TRANK1: variants seen among roughly 807,000 people sequenced by gnomAD.
TRANK1 encodes the protein TPR and ankyrin repeat-containing protein 1.
A neutral mutation model predicts 266.0 loss-of-function variants in TRANK1; 198 were observed. The ratio of observed to expected loss-of-function variants is 0.74; its 90% CI spans 0.66 to 0.84. The LOEUF is 0.84. Among genes scored for constraint, TRANK1 ranks in the 40% least tolerant of loss-of-function variants. TRANK1 has a pLI of 0.00. For missense variants in TRANK1, 3,326 were observed against 3,634.6 expected, an observed-to-expected ratio of 0.92 and a Z score of 2.18; for synonymous variants, 1,396 against 1,384.1, an observed-to-expected ratio of 1.01 and a Z score of -0.19.
At position 36,944,998 on chromosome 3, in the gene TRANK1, G is replaced by A; in HGVS notation, c.-189C>T. 2 of 501,118 alleles carry A rather than the reference G, an allele frequency of 4.0e-6. No homozygotes were observed. Among genetic ancestry groups the A allele is most frequent in the Non-Finnish European group, 3.4e-6 (1 of 296,036 alleles). 31.0% of individuals were successfully genotyped at this position (501,118 alleles called of 1,614,324 possible). ...TCGGCTACCCAGCCGCGATCAGAGG[G>A]GGCGGGGGACGCAGGAACCCCGGCG... is the stretch of plus-strand genomic sequence containing the variant. On this transcript the variant is annotated 5_prime_UTR_variant, in exon 1 of 24. Transcript: ENST00000645898.
chr3:36,863,228 C>T (rs544126687), intron 10 of TRANK1, among the ~76,000 whole-genome samples: 307 of 152,324 alleles, frequency 2.0e-3, no homozygotes, highest in African/African-American at 7.2e-3. Flanking sequence ...GGCACAGGAA[C>T]ACAGGCCATA....
chr3:36,903,697 G>T (rs536457151), intron 2 of TRANK1, among the ~76,000 whole-genome samples: 2 of 152,294 alleles, frequency 1.3e-5, no homozygotes, highest in South Asian at 4.1e-4. Flanking sequence ...CAAGAACTCT[G>T]GGTGAGTACG....
intron 17 of TRANK1, among the ~76,000 whole-genome samples, chr3:36,844,386 C>T (rs971143765): frequency 6.6e-6 from 1 of 152,084 alleles, no homozygotes; most frequent in Non-Finnish European, 1.5e-5. Context: ...ACCACCACAC[C>T]GGGCTAATTT....
At position 36,852,284 on chromosome 3, in the gene TRANK1, A is replaced by G; in HGVS notation, c.4611T>C (p.Phe1537=). 1 of 1,612,486 alleles carries G rather than the reference A, an allele frequency of 6.2e-7. No homozygotes were observed. The highest frequency in any genetic ancestry group is 1.1e-5 in the South Asian group (1 of 90,670). The stretch of plus-strand genomic sequence containing the variant: ...GGCCAGAATCCCTTGGAAGGCGATC[A>G]AAAGATTCTGGGAAATAGAACTGAA... ...DLLQFYFPES[F]DRLPRDSGLF... is the part of the protein sequence containing the mutation. Residue 1537 remains phenylalanine, a synonymous_variant, in exon 14 of 24, where the codon TTT becomes TTC. Coordinates refer to ENST00000645898, the MANE Select transcript of TRANK1 (RefSeq NM_001329998.2).
rs1470321832 is a variant in TRANK1, at chr3:36,857,263, T to C, written c.2459A>G (p.Gln820Arg). The C allele has an allele frequency of 1.9e-6, 3 of 1,611,514 alleles. No homozygotes were observed. The highest frequency in any genetic ancestry group is 3.3e-5 in the Admixed American group (2 of 59,802). Reference sequence around the variant, plus strand: ...GTCCTGGAGGCAGGCCTCAATCTCCTGCGTGCTCCAGTCATCCTGATCATC... The same window carrying C: ...GTCCTGGAGGCAGGCCTCAATCTCCCGCGTGCTCCAGTCATCCTGATCATC... ...GNDDQDDWSTQEIEACLQDFD... is the reference protein window; with the variant it reads ...GNDDQDDWSTREIEACLQDFD... Residue 820 changes from glutamine to arginine, a missense_variant, in exon 13 of 24, where the codon CAG (glutamine) becomes CGG (arginine). By Grantham distance (43) the Gln-to-Arg change is conservative. Coordinates refer to ENST00000645898, the MANE Select transcript of TRANK1 (RefSeq NM_001329998.2). The surrounding 1 kb of genome is among the most constrained non-coding windows in gnomAD (Gnocchi z 4.3).
chr3:36,876,808 C>A (rs1398309756), intron 8 of TRANK1, among the ~76,000 whole-genome samples: 2 of 152,206 alleles, frequency 1.3e-5, no homozygotes, highest in Non-Finnish European at 2.9e-5. Flanking sequence ...ACAATAAATT[C>A]TCTTTCCTGC....
At chr3:36,862,912 T>G (rs2079164507) in intron 10 of TRANK1, among the ~76,000 whole-genome samples, 1 of 152,080 alleles carries the variant, frequency 6.6e-6, no homozygotes, top group South Asian at 2.1e-4. Flanking sequence ...TCAAAAAAAG[T>G]CACTTTTTTG....
intron 1 of TRANK1, among the ~76,000 whole-genome samples, chr3:36,911,183 G>C (rs2080047141): frequency 6.6e-6 from 1 of 152,138 alleles, no homozygotes; most frequent in Non-Finnish European, 1.5e-5. Flanking sequence ...TTTAATGACA[G>C]AGCAAGTTAG....
At chr3:36,924,389 C>T (rs908515445) in intron 1 of TRANK1, among the ~76,000 whole-genome samples, 6 of 152,144 alleles carry the variant, frequency 3.9e-5, no homozygotes, top group African/African-American at 1.2e-4. Context: ...GAAGTGGCAC[C>T]GCTCCCAAGC....
Position 36,831,989 on chromosome 3 carries a change from C to A in TRANK1, c.7594G>T (p.Val2532Leu). Residue 2532 changes from valine (V) to leucine (L), a missense_variant, in exon 22 of 24, where the codon GTG becomes TTG. By Grantham distance (32) the Val-to-Leu change is conservative. Transcript: ENST00000645898. The surrounding 1 kb of genome is among the most constrained non-coding windows in gnomAD (Gnocchi z 5.0). ...FRFHLSYLAK[V>L]LCGYENVNFN... ...TTCACATTCTCATAGCCACATAGCA[C>A]CTTGGCGAGGTAGGAGAGATGGAAC... The A allele has an allele frequency of 1.9e-6, 3 of 1,614,024 alleles. No individual in the cohort carries two copies. The highest frequency in any genetic ancestry group is 2.5e-6 in the Non-Finnish European group (3 of 1,179,892).
rs2079078627 is a variant in TRANK1 at position 36,857,747 on chromosome 3, C to T, written c.1975G>A (p.Asp659Asn). 1.2e-6 allele frequency: 2 copies of T among 1,613,998 alleles called. No individual in the cohort carries two copies. The highest frequency in any genetic ancestry group is 1.7e-6 in the Non-Finnish European group (2 of 1,179,906). The change falls in exon 13 of 24, where the codon GAC becomes AAC. Residue 659 changes from aspartate to asparagine, a missense_variant. Asp to Asn is a conservative substitution (Grantham distance 23, BLOSUM62 1). Coordinates refer to ENST00000645898, the MANE Select transcript of TRANK1 (RefSeq NM_001329998.2). This position sits in a 1 kb window ranked among gnomAD's most constrained non-coding sequence, Gnocchi z 4.3. The stretch of plus-strand genomic sequence containing the variant: ...AGCTTCCCCAGGTGGGCAGCAGAGT[C>T]CTGCCGGCTCCTCCTCCTGTTCTCC... ...LMENRRRSRQ[D>N]SAAHLGKLSK...
intron 1 of TRANK1, among the ~76,000 whole-genome samples, chr3:36,910,030 T>C (rs2080028981): frequency 6.6e-6 from 1 of 152,156 alleles, no homozygotes; most frequent in South Asian, 2.1e-4. Flanking sequence ...AACAAGAAAA[T>C]TGTTGCAATA....
At chr3:36,853,131 C>T (rs1158413511) in intron 13 of TRANK1, among the ~76,000 whole-genome samples, 2 of 152,158 alleles carry the variant, frequency 1.3e-5, no homozygotes, top group African/African-American at 2.4e-5. Flanking sequence ...ACAGCAGGCA[C>T]CTTCAAAAAA....
intron 9 of TRANK1, among the ~76,000 whole-genome samples, chr3:36,870,648 C>T (rs913366612): frequency 3.3e-5 from 5 of 152,172 alleles, no homozygotes; most frequent in African/African-American, 1.2e-4. Flanking sequence ...AACAAGTTTA[C>T]CATTGAGTAC....
chr3:36,859,720 C>T (rs998860880), intron 11 of TRANK1, among the ~76,000 whole-genome samples: 2 of 152,182 alleles, frequency 1.3e-5, no homozygotes, highest in African/African-American at 4.8e-5. Flanking sequence ...CCTCTGTGGG[C>T]TTGGTTCCTA....
At position 36,872,182 on chromosome 3, in the gene TRANK1, C is replaced by T. The variant is rs544017206; in HGVS notation, c.1078+1944G>A. On this transcript the variant is annotated intron_variant, in intron 9 of 23. Transcript: ENST00000645898. ...TTGGGAGGCCAAGGCAGGTAGATCA[C>T]TTGAAGTCAGGAGTTCGAGATCAGC... is the stretch of plus-strand genomic sequence containing the variant. Among the ~76,000 whole-genome samples, 11 of 152,270 alleles carry T rather than the reference C, an allele frequency of 7.2e-5. No individual in the cohort carries two copies. The South Asian group carries it at 2.3e-3, about 32-fold the overall frequency.
At chr3:36,913,510 CTCTT>C (rs1049169074) in intron 1 of TRANK1, among the ~76,000 whole-genome samples, 1 of 151,806 alleles carries the variant, frequency 6.6e-6, no homozygotes, top group Admixed American at 6.6e-5. Flanking sequence ...CTCCTCTCCT[CTCTT>C]TCTTTCTCTC....
In TRANK1 at chr3:36,857,169, C is replaced by G; in HGVS notation, c.2553G>C (p.Met851Ile). The G allele has an allele frequency of 6.2e-7, 1 of 1,613,936 alleles. No homozygotes were observed. Among genetic ancestry groups the G allele is most frequent in the Admixed American group, 1.7e-5 (1 of 60,020 alleles). Residue 851 changes from methionine (M) to isoleucine (I), a missense_variant, in exon 13 of 24, where the codon ATG becomes ATC. Met to Ile is a conservative substitution (Grantham distance 10). Coordinates refer to ENST00000645898, the MANE Select transcript of TRANK1 (RefSeq NM_001329998.2). This position sits in a 1 kb window ranked among gnomAD's most constrained non-coding sequence, Gnocchi z 4.3. The stretch of plus-strand genomic sequence containing the variant: ...TGATTTTCTTCTTGATGACCTTGGT[C>G]ATTACCTTACTAGACAGCTTCTTCA... ...EMLKKLSSKV[M>I]TKVIKKKIIL... is the part of the protein sequence containing the mutation.
In TRANK1 at chr3:36,831,927, G is replaced by C; in HGVS notation, c.7656C>G (p.Asp2552Glu). ...NVLLDAFSEI[D>E]YVVSGEAERT... ...GCTCAGCCTCACCCGAGACCACATA[G>C]TCTATTTCACTGAAGGCATCAAGCA... The change falls in exon 22 of 24, where the codon GAC (aspartate) becomes GAG (glutamate). Residue 2552 changes from aspartate to glutamate, a missense_variant. Physicochemically the swap from Asp to Glu is conservative, Grantham distance 45 (BLOSUM62 2). Transcript: ENST00000645898. This position sits in a 1 kb window ranked among gnomAD's most constrained non-coding sequence, Gnocchi z 5.0. 5 of 1,614,020 alleles carry C rather than the reference G, an allele frequency of 3.1e-6. No homozygotes were observed. Among genetic ancestry groups the C allele is most frequent in the Non-Finnish European group, 3.4e-6 (4 of 1,179,908 alleles).
Sources: allele counts gnomAD v4.1 joint callset (sites outside exome capture counted in the v4.1 genomes callset), GRCh38; gene constraint gnomAD v4.1.1; non-coding constraint Gnocchi (gnomAD v3.1); transcripts MANE v1.5; gene names NCBI Gene and HGNC (gene_info 2026-07-23, HGNC 2026-07-21).